Variants in PUS7L observed in about 807,000 individuals in gnomAD.
PUS7L encodes pseudouridylate synthase PUS7L.
PUS7L carries 49 observed loss-of-function variants against 51.1 expected under a neutral mutation model. The observed-to-expected ratio is 0.96, with a 90% CI of 0.76 to 1.22. The LOEUF is 1.22. PUS7L is among the 50% of genes most tolerant of loss of function. PUS7L has a pLI of 0.00. For missense variants in PUS7L, 828 were observed against 820.6 expected (o/e 1.01, Z -0.11); for synonymous variants, 277 against 276.2 (o/e 1.00, Z -0.03).
rs547856009 is a variant in PUS7L, at chr12:43,720,831, G to T, written c.*9545C>A. Reference sequence around the variant, plus strand: ...TAATTTACACTGCTTGGGATTCACTGAACTTCTTAAATCTGTACTTTACTG... The same window carrying T: ...TAATTTACACTGCTTGGGATTCACTTAACTTCTTAAATCTGTACTTTACTG... On this transcript the variant is annotated 3_prime_UTR_variant, in exon 9 of 9. Coordinates refer to ENST00000344862, the MANE Select transcript of PUS7L (RefSeq NM_031292.5). 1 of 152,250 alleles carries T rather than the reference G, an allele frequency of 6.6e-6. No homozygotes were observed. The highest frequency in any genetic ancestry group is 2.4e-5 in the African/African-American group (1 of 41,550). 9.4% of individuals were successfully genotyped at this position (152,250 alleles called of 1,614,324 possible).
At chr12:43,753,434 T>C (rs74085323) in intron 2 of PUS7L, among the ~76,000 whole-genome samples, 9,345 of 152,248 alleles carry the variant, frequency 0.061, 293 homozygotes, top group Middle Eastern at 0.14. Flanking sequence ...CAAACCCACA[T>C]AGTTCCAAGG....
In PUS7L at chr12:43,738,337, T is replaced by A; in HGVS notation, c.1417A>T (p.Arg473Ter). ...TPEDLDDPVN[R>*]AKKYFLQTED... Reference sequence around the variant, plus strand: ...GTTTGAAGAAAATACTTCTTTGCTCTATTTACAGGATCATCCAAGTCTTCT... The same window carrying A: ...GTTTGAAGAAAATACTTCTTTGCTCAATTTACAGGATCATCCAAGTCTTCT... The change falls in exon 6 of 9, where the codon AGA becomes TGA. Residue 473 changes from arginine (R) to a stop codon, truncating the protein, a stop_gained. Coordinates refer to ENST00000344862, the MANE Select transcript of PUS7L (RefSeq NM_031292.5). LOFTEE classifies it high-confidence loss of function. 1 of 1,591,852 alleles carries A rather than the reference T, an allele frequency of 6.3e-7. No individual in the cohort carries two copies. Among genetic ancestry groups the A allele is most frequent in the Non-Finnish European group, 8.6e-7 (1 of 1,160,456 alleles).
Position 43,725,177 on chromosome 12 carries a change from G to T in PUS7L, c.*5199C>A, listed in dbSNP as rs992207772. ...TGCTTTTTCAATGATATTTGTGCCAGGTACCATCTAAAACACCTCCTATGA... is the reference window on the plus strand; with the variant it reads ...TGCTTTTTCAATGATATTTGTGCCATGTACCATCTAAAACACCTCCTATGA... On this transcript the variant is annotated 3_prime_UTR_variant, in exon 9 of 9. Coordinates refer to ENST00000344862, the MANE Select transcript of PUS7L (RefSeq NM_031292.5). 6.6e-6 allele frequency: 1 copy of T among 152,104 alleles called. No homozygotes were observed. Among genetic ancestry groups the T allele is most frequent in the Non-Finnish European group, 1.5e-5 (1 of 68,016 alleles). 9.4% of individuals were successfully genotyped at this position (152,104 alleles called of 1,614,324 possible). A position where few individuals can be genotyped will look rare whatever the true frequency, so the allele number is the denominator to read the frequency against.
rs1178607071 is a variant in PUS7L, at chr12:43,719,733, CAAT to C, written c.*10640_*10642del. The C allele has an allele frequency of 3.3e-5, 5 of 152,206 alleles. No homozygotes were observed. In the East Asian group the frequency reaches 5.8e-4, roughly 18 times the overall value. The allele number at this position is 152,206 out of a possible 1,614,324, so 9.4% of individuals were successfully genotyped here. ...GAATTTTCCATTTTATCTAAACTTT[CAAT>C]AATATTGGCAGAAAATTGTTCATAA... On this transcript the variant is annotated 3_prime_UTR_variant, in exon 9 of 9. Transcript: ENST00000344862.
rs1458098769 is a variant in PUS7L at position 43,725,580 on chromosome 12, G to T, written c.*4796C>A. 1 of 151,944 alleles carries T rather than the reference G, an allele frequency of 6.6e-6. No homozygotes were observed. Among genetic ancestry groups the T allele is most frequent in the Non-Finnish European group, 1.5e-5 (1 of 68,006 alleles). 9.4% of individuals were successfully genotyped at this position (151,944 alleles called of 1,614,324 possible). The stretch of plus-strand genomic sequence containing the variant: ...ATTTTTTTATTTTTAGTAGAGACAG[G>T]GTTTCAGCATCTTGGCCAGGCTGGT... On this transcript the variant is annotated 3_prime_UTR_variant, in exon 9 of 9. Transcript: ENST00000344862.
chr12:43,732,139 AAATAT>A (rs1944571483), intron 7 of PUS7L, among the ~76,000 whole-genome samples: 1 of 151,960 alleles, frequency 6.6e-6, no homozygotes, highest in South Asian at 2.1e-4. Context: ...TGTCCCCCGA[AAATAT>A]AATAATCTAT....
chr12:43,736,341 A>G, intron 7 of PUS7L, 40 bp downstream of exon 7: 1 of 1,565,540 alleles, frequency 6.4e-7, no homozygotes, highest in Non-Finnish European at 8.7e-7. Context: ...GTTCTGGTAT[A>G]GTAACTACTC....
At position 43,755,279 on chromosome 12, in the gene PUS7L, G is replaced by T. The variant is rs775369020; in HGVS notation, c.-16-18C>A. On this transcript the variant is annotated intron_variant, in intron 1 of 8. Transcript: ENST00000344862. ...AACAGTGCCTAGAAAACAAAACAAAGAGGTGGTTAGTTAACAGAAAGAGAA... is the reference window on the plus strand; with the variant it reads ...AACAGTGCCTAGAAAACAAAACAAATAGGTGGTTAGTTAACAGAAAGAGAA... 11 of 1,463,308 alleles carry T rather than the reference G, an allele frequency of 7.5e-6. No individual in the cohort carries two copies. The highest frequency in any genetic ancestry group is 2.3e-5 in the East Asian group (1 of 43,436). The allele number at this position is 1,463,308 out of a possible 1,614,324, so 90.6% of individuals were successfully genotyped here.
At chr12:43,733,902 T>C (rs1944619180) in intron 7 of PUS7L, among the ~76,000 whole-genome samples, 1 of 152,214 alleles carries the variant, frequency 6.6e-6, no homozygotes, top group Non-Finnish European at 1.5e-5. Context: ...ATCATTTTCT[T>C]ATCATTTCTT....
In PUS7L at chr12:43,746,098, T is replaced by G; in HGVS notation, c.1211A>C (p.Asn404Thr). The change falls in exon 4 of 9, where the codon AAT (asparagine) becomes ACT (threonine). Residue 404 changes from asparagine to threonine, a missense_variant. Physicochemically the swap from Asn to Thr is moderately conservative, Grantham distance 65. Coordinates refer to ENST00000344862, the MANE Select transcript of PUS7L (RefSeq NM_031292.5). ...TCTCTCCCTCAGGTTTGCAGAATCA[T>G]TTATTTGTTTTTTTAAATTTCTAAT... The part of the protein sequence containing the change: ...IVIRNLKKQI[N>T]DSANLRERIM... 6.5e-7 allele frequency: 1 copy of G among 1,534,318 alleles called. No individual in the cohort carries two copies. The highest frequency in any genetic ancestry group is 9.0e-7 in the Non-Finnish European group (1 of 1,114,522).
intron 1 of PUS7L, among the ~76,000 whole-genome samples, chr12:43,755,840 G>A (rs1312916112): frequency 6.6e-6 from 1 of 152,188 alleles, no homozygotes; most frequent in East Asian, 1.9e-4. Flanking sequence ...CCCCCATTAG[G>A]ACAAATAGAA....
At chr12:43,758,652 T>TGGGGGGGGGG in intron 1 of PUS7L, 78 bp downstream of exon 1, 12 of 708,128 alleles carry the variant, frequency 1.7e-5, no homozygotes, top group African/African-American at 5.1e-5. Context: ...GCCAACCTCG[T>TGGGGGGGGGG]CACCCCCCCC....
Position 43,755,167 on chromosome 12 carries a change from T to C in PUS7L, c.79A>G (p.Ile27Val), listed in dbSNP as rs1228491573. Residue 27 changes from isoleucine to valine, a missense_variant, in exon 2 of 9, where the codon ATA (isoleucine) becomes GTA (valine). By Grantham distance (29) the Ile-to-Val change is conservative. Coordinates refer to ENST00000344862, the MANE Select transcript of PUS7L (RefSeq NM_031292.5). ...ATAAAGTCACTTGGTGAGCTTTTTA[T>C]AGTGCCATGAAATCCAACGTGATCA... ...FNDHVGFHGT[I>V]KSSPSDFIVI... is the part of the protein sequence containing the mutation. The C allele has an allele frequency of 3.7e-6, 6 of 1,613,062 alleles. No homozygotes were observed. Among genetic ancestry groups the C allele is most frequent in the Admixed American group, 1.7e-5 (1 of 59,946 alleles).
rs1938288818 is a variant in PUS7L, at chr12:43,748,606, A to G, written c.914T>C (p.Phe305Ser). 2 of 1,576,544 alleles carry G rather than the reference A, an allele frequency of 1.3e-6. No individual in the cohort carries two copies. Among genetic ancestry groups the G allele is most frequent in the East Asian group, 4.5e-5 (2 of 44,658 alleles). The change falls in exon 3 of 9, where the codon TTT becomes TCT. Residue 305 changes from phenylalanine to serine, a missense_variant. By Grantham distance (155) the Phe-to-Ser change is radical. Transcript: ENST00000344862. ...TTCCAGGTTTTCCTTTCGTAGGGTAAAAGCTGAAACAAAAAAAAAACTTAG... is the reference window on the plus strand; with the variant it reads ...TTCCAGGTTTTCCTTTCGTAGGGTAGAAGCTGAAACAAAAAAAAAACTTAG... ...CQEGKVIYTAFTLRKENLEMF... is the reference protein window; with the variant it reads ...CQEGKVIYTASTLRKENLEMF...
At chr12:43,749,289 CTCTG>C (rs1358303898) in intron 2 of PUS7L, among the ~76,000 whole-genome samples, 6 of 152,244 alleles carry the variant, frequency 3.9e-5, no homozygotes, top group African/African-American at 1.4e-4. Flanking sequence ...CATTTAAGTC[CTCTG>C]TCTAAAACAT....
rs1370831518 is a variant in PUS7L at position 43,726,568 on chromosome 12, C to T, written c.*3808G>A. The T allele has an allele frequency of 6.6e-6, 1 of 152,248 alleles. No homozygotes were observed. Among genetic ancestry groups the T allele is most frequent in the African/African-American group, 2.4e-5 (1 of 41,424 alleles). 9.4% of individuals were successfully genotyped at this position (152,248 alleles called of 1,614,324 possible). ...GAAGGCTGGGCATGGTGGCTCATGC[C>T]TGTAATCCTAGCACTTTCTGAGGCC... On this transcript the variant is annotated 3_prime_UTR_variant, in exon 9 of 9. Coordinates refer to ENST00000344862, the MANE Select transcript of PUS7L (RefSeq NM_031292.5).
At position 43,754,488 on chromosome 12, in the gene PUS7L, A is replaced by C. The variant is rs947246270; in HGVS notation, c.758T>G (p.Phe253Cys). The C allele has an allele frequency of 2.5e-6, 4 of 1,613,820 alleles. No individual in the cohort carries two copies. Among genetic ancestry groups the C allele is most frequent in the Non-Finnish European group, 3.4e-6 (4 of 1,179,866 alleles). ...AGATTTGGTTTCCACAAGGTTTCCA[A>C]ACTTTTTGTTGACAAAATGGTGGAC... ...KAVHHFVNKK[F>C]GNLVETKSFS... is the part of the protein sequence containing the mutation. Residue 253 changes from phenylalanine to cysteine, a missense_variant, in exon 2 of 9, where the codon TTT becomes TGT. Coordinates refer to ENST00000344862, the MANE Select transcript of PUS7L (RefSeq NM_031292.5).
In PUS7L at chr12:43,724,403, C is replaced by T. The variant is rs1406457629; in HGVS notation, c.*5973G>A. 1.3e-5 allele frequency: 2 copies of T among 151,844 alleles called. No homozygotes were observed. The highest frequency in any genetic ancestry group is 6.6e-5 in the Admixed American group (1 of 15,248). The allele number at this position is 151,844 out of a possible 1,614,324, so 9.4% of individuals were successfully genotyped here. A position where few individuals can be genotyped will look rare whatever the true frequency, so the allele number is the denominator to read the frequency against. On this transcript the variant is annotated 3_prime_UTR_variant, in exon 9 of 9. Transcript: ENST00000344862. Reference sequence around the variant, plus strand: ...AACCATTTTATTATAAAAATTTTATCAGGGAGCATAGTAAAGTAATACTAA... The same window carrying T: ...AACCATTTTATTATAAAAATTTTATTAGGGAGCATAGTAAAGTAATACTAA...
In PUS7L at chr12:43,754,454, T is replaced by C; in HGVS notation, c.792A>G (p.Lys264=). 1 of 1,613,940 alleles carries C rather than the reference T, an allele frequency of 6.2e-7. No homozygotes were observed. Among genetic ancestry groups the C allele is most frequent in the Non-Finnish European group, 8.5e-7 (1 of 1,179,836 alleles). The change falls in exon 2 of 9, where the codon AAA becomes AAG. Residue 264 remains lysine, a synonymous_variant. Transcript: ENST00000344862. ...TCGGATTACCAGCACTGCAATTCATTTTAGAAAAAGATTTGGTTTCCACAA... is the reference window on the plus strand; with the variant it reads ...TCGGATTACCAGCACTGCAATTCATCTTAGAAAAAGATTTGGTTTCCACAA... ...GNLVETKSFS[K]MNCSAGNPNV...
Sources: gnomAD v4.1 joint callset for allele counts (sites outside exome capture counted in the v4.1 genomes callset) on GRCh38, gnomAD v4.1.1 for gene constraint, MANE v1.5 for transcripts, NCBI Gene and HGNC (gene_info 2026-07-23, HGNC 2026-07-21) for gene names.